Variants in ARHGEF18 observed in about 807,000 individuals in gnomAD.
The protein encoded by ARHGEF18 is Rho/Rac guanine nucleotide exchange factor 18, also known as rho guanine nucleotide exchange factor 18.
Under a neutral mutation model 155.7 loss-of-function variants are expected in ARHGEF18, and 93 were observed. The observed-to-expected ratio is 0.60, with a 90% CI of 0.50 to 0.71. The LOEUF is 0.71. ARHGEF18 is among the 30% of genes least tolerant of loss of function. The probability of loss-of-function intolerance (pLI) is 0.00; values close to 1 mark genes in which losing one functional copy is unlikely to be tolerated. For synonymous variants in ARHGEF18, 742 were observed against 753.1 expected, an observed-to-expected ratio of 0.99 and a Z score of 0.24; for missense variants, 1,593 against 1,816.1, an observed-to-expected ratio of 0.88 and a Z score of 2.23.
intron 5 of ARHGEF18, 66 bp from the exon 6 acceptor site, chr19:7,378,328 T>C: frequency 5.8e-6 from 7 of 1,204,050 alleles, no homozygotes; most frequent in Non-Finnish European, 7.3e-6. Context: ...GGGAGGGCTC[T>C]GCTGGGCTGG....
At chr19:7,377,025 T>C (rs1970490183) in intron 5 of ARHGEF18, among the ~76,000 whole-genome samples, 1 of 151,754 alleles carries the variant, frequency 6.6e-6, no homozygotes, top group South Asian at 2.1e-4. Context: ...AGTGTGAGAT[T>C]GCCCCATTGC....
rs1446208360 is a variant in ARHGEF18, at chr19:7,467,682, G to A, written c.3478G>A (p.Glu1160Lys). ...CGCGCTGCCGCCCGACACACTGGCC[G>A]AGGTGAGCGCGCAGCAGCCAGTGTG... ...PGALPPDTLA[E>K]AQPPSHPPSF... The change falls in exon 26 of 29, where the codon GAG becomes AAG. Residue 1160 changes from glutamate (E) to lysine (K), a missense_variant and splice_region_variant. By Grantham distance (56) the Glu-to-Lys change is moderately conservative. Transcript: ENST00000668164. The A allele has an allele frequency of 2.0e-6, 3 of 1,497,932 alleles. No homozygotes were observed. The highest frequency in any genetic ancestry group is 1.3e-5 in the South Asian group (1 of 79,364). 92.8% of individuals were successfully genotyped at this position (1,497,932 alleles called of 1,614,324 possible).
downstream of ARHGEF18, chr19:7,476,740 A>T (rs892486378): frequency 2.6e-5 from 4 of 156,526 alleles, no homozygotes; most frequent in African/African-American, 9.6e-5. Flanking sequence ...TTGCTCAAAG[A>T]TGGAGAGGAC....
chr19:7,478,393 CG>C, the ARHGEF18 span: 1 of 1,603,858 alleles, frequency 6.2e-7, no homozygotes, highest in Non-Finnish European at 8.5e-7. Flanking sequence ...CACCAGAGCC[CG>C]AGGGAGGATG....
chr19:7,385,619 G>A (rs1215913778), intron 10 of ARHGEF18, among the ~76,000 whole-genome samples: 2 of 151,486 alleles, frequency 1.3e-5, no homozygotes, highest in Non-Finnish European at 2.9e-5. Context: ...GGGATTACAG[G>A]TGCCCACCAC....
At chr19:7,477,327 G>A (rs369250328), downstream of ARHGEF18, 26 of 1,557,530 alleles carry the variant, frequency 1.7e-5, no homozygotes, top group Admixed American at 1.9e-4. Flanking sequence ...AGCACGCCCC[G>A]GGGCAGCCAG....
At chr19:7,381,155 A>T (rs1484111071) in intron 8 of ARHGEF18, among the ~76,000 whole-genome samples, 161 bp downstream of exon 8, 2 of 152,160 alleles carry the variant, frequency 1.3e-5, no homozygotes, top group African/African-American at 4.8e-5. Context: ...AGGCTCCCGT[A>T]TACCCTGAGA....
intron 20 of ARHGEF18, among the ~76,000 whole-genome samples, chr19:7,461,873 G>A (rs1336065692): frequency 1.3e-5 from 2 of 152,232 alleles, no homozygotes; most frequent in Middle Eastern, 3.4e-3. Flanking sequence ...GGCTGGTCTC[G>A]AACTCCAGGC....
At chr19:7,403,003 C>T (rs765102390) in intron 10 of ARHGEF18, among the ~76,000 whole-genome samples, 2 of 152,084 alleles carry the variant, frequency 1.3e-5, no homozygotes, top group Non-Finnish European at 2.9e-5. Context: ...TTACAGTGTA[C>T]AATTCAATGT....
Position 7,444,221 on chromosome 19 carries a change from G to A in ARHGEF18, c.1378G>A (p.Val460Met), listed in dbSNP as rs756847543. ...DVLYELMQTEVHHVRTLKIML... is the reference protein window; with the variant it reads ...DVLYELMQTEMHHVRTLKIML... ...CCCTGCAGAGCTGATGCAGACAGAG[G>A]TGCACCACGTGCGGACGCTCAAGAT... Residue 460 changes from valine (V) to methionine (M), a missense_variant, in exon 14 of 29, where the codon GTG becomes ATG. Transcript: ENST00000668164. This position sits in a 1 kb window ranked among gnomAD's most constrained non-coding sequence, Gnocchi z 4.7. 3.1e-6 allele frequency: 5 copies of A among 1,613,378 alleles called. No homozygotes were observed. The South Asian group carries it at 5.5e-5, about 18-fold the overall frequency.
intron 3 of ARHGEF18, among the ~76,000 whole-genome samples, chr19:7,373,636 C>T (rs1183164048): frequency 5.3e-5 from 8 of 151,696 alleles, no homozygotes; most frequent in Non-Finnish European, 8.8e-5. Flanking sequence ...CCACCACACC[C>T]GGCTAATGTT....
In ARHGEF18 at chr19:7,451,231, C is replaced by G; in HGVS notation, c.1820C>G (p.Pro607Arg). Residue 607 changes from proline (P) to arginine (R), a missense_variant, in exon 16 of 29, where the codon CCA becomes CGA. Coordinates refer to ENST00000668164, the MANE Select transcript of ARHGEF18 (RefSeq NM_001367823.1). ...LLVTQRITKY[P>R]VLVERIIQNT... ...GTTACACAACGCATAACCAAATACC[C>G]AGTGCTGGTGGAGCGCATCATCCAG... is the stretch of plus-strand genomic sequence containing the variant. 3.1e-6 allele frequency: 5 copies of G among 1,612,594 alleles called. No individual in the cohort carries two copies. The highest frequency in any genetic ancestry group is 4.2e-6 in the Non-Finnish European group (5 of 1,179,700).
At chr19:7,425,335 G>A (rs8107535) in intron 10 of ARHGEF18, among the ~76,000 whole-genome samples, 66,055 of 151,904 alleles carry the variant, frequency 0.43, 14,606 homozygotes, top group Middle Eastern at 0.65. Context: ...ATGGAAAAAA[G>A]GTGGGGGTCT....
chr19:7,389,171 GAC>G lies in ARHGEF18; in HGVS notation c.967+5970_967+5971del, dbSNP rs1424431491. On this transcript the variant is annotated intron_variant, in intron 10 of 28. Transcript: ENST00000668164. ...AGGCTAATTTTTTTTTTTTTTTTGA[GAC>G]AGAGTCTCGCTCTGTTGCCCAGGCT... Among the ~76,000 whole-genome samples the G allele has an allele frequency of 3.4e-5, 5 of 145,628 alleles. No homozygotes were observed. In the South Asian group the frequency reaches 8.8e-4, roughly 26 times the overall value.
In ARHGEF18 at chr19:7,447,035, T is replaced by A; in HGVS notation, c.1612-8T>A. The A allele has an allele frequency of 6.2e-7, 1 of 1,611,002 alleles. No individual in the cohort carries two copies. The highest frequency in any genetic ancestry group is 8.5e-7 in the Non-Finnish European group (1 of 1,179,218). On this transcript the variant is annotated splice_region_variant and splice_polypyrimidine_tract_variant and intron_variant, in intron 14 of 28. Coordinates refer to ENST00000668164, the MANE Select transcript of ARHGEF18 (RefSeq NM_001367823.1). Reference sequence around the variant, plus strand: ...TTTAATTAACATTTCCATCCTTTTGTTTATCAGTTTTCAGGTGAAAATGGG... The same window carrying A: ...TTTAATTAACATTTCCATCCTTTTGATTATCAGTTTTCAGGTGAAAATGGG...
chr19:7,434,139 CTT>C (rs1475858485), intron 10 of ARHGEF18, among the ~76,000 whole-genome samples: 1 of 151,686 alleles, frequency 6.6e-6, no homozygotes, highest in Non-Finnish European at 1.5e-5. Flanking sequence ...AGAGATTGCT[CTT>C]GTTTTAGTGT....
intron 10 of ARHGEF18, among the ~76,000 whole-genome samples, chr19:7,398,733 T>G (rs11882769): frequency 0.077 from 11,651 of 150,804 alleles, 1,460 homozygotes; most frequent in African/African-American, 0.27. Flanking sequence ...AAGAGATTCT[T>G]TGGTTCCTTC....
intron 19 of ARHGEF18, 78 bp from the exon 20 acceptor site, chr19:7,459,825 G>T: frequency 7.9e-7 from 1 of 1,261,948 alleles, no homozygotes; most frequent in Non-Finnish European, 1.1e-6. Context: ...GTGGCGGCTG[G>T]TTCTGCAGAA....
At chr19:7,474,754 A>AGTGTGTGTGTGTGTGTGTGT (rs3219570), downstream of ARHGEF18, among the ~76,000 whole-genome samples, 2,001 of 141,968 alleles carry the variant, frequency 0.014, 38 homozygotes, top group Admixed American at 0.026. Context: ...TGGGCATTGG[A>AGTGTGTGTGTGTGTGTGTGT]GTGTGTGTGT....
Sources: allele counts gnomAD v4.1 joint callset (sites outside exome capture counted in the v4.1 genomes callset), GRCh38; gene constraint gnomAD v4.1.1; non-coding constraint Gnocchi (gnomAD v3.1); transcripts MANE v1.5; gene names NCBI Gene and HGNC (gene_info 2026-07-23, HGNC 2026-07-21).